Variants in ENPEP observed in about 807,000 individuals in gnomAD.
The protein encoded by ENPEP is AP-A.
Under a neutral mutation model 114.5 loss-of-function variants are expected in ENPEP, and 103 were observed. The ratio of observed to expected loss-of-function variants is 0.90; its 90% CI spans 0.77 to 1.06. The LOEUF is 1.06. Among genes scored for constraint, ENPEP ranks in the 50% least tolerant of loss-of-function variants. The pLI is 0.00. For synonymous variants in ENPEP, 420 were observed against 422.0 expected (o/e 1.00, Z 0.06); for missense variants, 1,196 against 1,161.3 (o/e 1.03, Z -0.43).
At chr4:110,547,155 C>T (rs910379918) in intron 13 of ENPEP, among the ~76,000 whole-genome samples, 17 of 152,080 alleles carry the variant, frequency 1.1e-4, no homozygotes, top group African/African-American at 4.8e-5. Flanking sequence ...TATAGAAGAG[C>T]AAGAATGCTC....
rs996147765 is a variant in ENPEP at position 110,543,036 on chromosome 4, G to T, written c.1966G>T (p.Ala656Ser). Residue 656 changes from alanine (A) to serine (S), a missense_variant, in exon 13 of 20, where the codon GCA becomes TCA. Transcript: ENST00000265162. ...CCAGACATTTTCTTCAGCAGATCGTGCAAGTCTTATTGATGATGCTTTTGC... is the reference window on the plus strand; with the variant it reads ...CCAGACATTTTCTTCAGCAGATCGTTCAAGTCTTATTGATGATGCTTTTGC... ...NHKTFSSADR[A>S]SLIDDAFALA... 2 of 1,613,094 alleles carry T rather than the reference G, an allele frequency of 1.2e-6. No individual in the cohort carries two copies. Among genetic ancestry groups the T allele is most frequent in the South Asian group, 2.2e-5 (2 of 91,040 alleles).
intron 4 of ENPEP, among the ~76,000 whole-genome samples, chr4:110,508,203 C>A (rs1034884093): frequency 1.4e-5 from 2 of 144,486 alleles, no homozygotes; most frequent in Admixed American, 1.5e-4. Context: ...GAGGTGACTT[C>A]TGCATTTATT....
At position 110,538,407 on chromosome 4, in the gene ENPEP, C is replaced by A. The variant is rs949262939; in HGVS notation, c.1808-4344C>A. Among the ~76,000 whole-genome samples the A allele has an allele frequency of 3.9e-5, 6 of 152,188 alleles. 1 individual carries two copies. The East Asian group carries it at 5.8e-4, about 15-fold the overall frequency. On this transcript the variant is annotated intron_variant, in intron 11 of 19. Transcript: ENST00000265162. Reference sequence around the variant, plus strand: ...TCAAGAACCAACCTTTGCTAGCTTCCAGCTTTTCTTCTGTAGCTTCCTCAC... The same window carrying A: ...TCAAGAACCAACCTTTGCTAGCTTCAAGCTTTTCTTCTGTAGCTTCCTCAC...
chr4:110,531,559 TTTCC>T (rs755022525), intron 11 of ENPEP, among the ~76,000 whole-genome samples: 253 of 152,076 alleles, frequency 1.7e-3, no homozygotes, highest in Non-Finnish European at 2.1e-3. Context: ...AATGTGTAAG[TTTCC>T]TTCCTTCCTT....
At chr4:110,546,999 C>A (rs913387100) in intron 13 of ENPEP, among the ~76,000 whole-genome samples, 2 of 151,970 alleles carry the variant, frequency 1.3e-5, no homozygotes, top group African/African-American at 4.8e-5. Context: ...TTTAGGGAGC[C>A]ATGTTTGACA....
intron 3 of ENPEP, among the ~76,000 whole-genome samples, chr4:110,493,916 G>A (rs1724821937): frequency 2.0e-5 from 3 of 152,028 alleles, no homozygotes; most frequent in Non-Finnish European, 1.5e-5. Context: ...AGGTATATGA[G>A]GAAAACAAGT....
At chr4:110,510,118 G>C (rs1725519385) in intron 5 of ENPEP, 127 bp from the exon 6 acceptor site, 2 of 777,984 alleles carry the variant, frequency 2.6e-6, no homozygotes, top group African/African-American at 1.8e-5. Flanking sequence ...TAAATGTTAA[G>C]TACAATGCCT....
intron 10 of ENPEP, among the ~76,000 whole-genome samples, chr4:110,522,311 A>G (rs1455932485): frequency 6.6e-6 from 1 of 152,000 alleles, no homozygotes; most frequent in South Asian, 2.1e-4. Context: ...CCTCCTGAGT[A>G]ACTGAAACTG....
At chr4:110,549,936 G>A (rs1019958080) in intron 17 of ENPEP, 50 bp downstream of exon 17, 3 of 1,474,050 alleles carry the variant, frequency 2.0e-6, no homozygotes, top group Non-Finnish European at 1.8e-6. Context: ...AATAGTTTAT[G>A]TGTCACAGTC....
chr4:110,530,050 T>C (rs1326629799), intron 10 of ENPEP, among the ~76,000 whole-genome samples: 2 of 150,442 alleles, frequency 1.3e-5, no homozygotes, highest in Non-Finnish European at 3.0e-5. Context: ...CACTCCAGCC[T>C]GGGCAACAAG....
chr4:110,498,247 A>G (rs1323516627), intron 3 of ENPEP, among the ~76,000 whole-genome samples: 1 of 152,140 alleles, frequency 6.6e-6, no homozygotes, highest in Non-Finnish European at 1.5e-5. Context: ...TCTTGGTGTT[A>G]CTAGCCCTGA....
intron 3 of ENPEP, among the ~76,000 whole-genome samples, chr4:110,503,012 G>A (rs926802900): frequency 4.6e-5 from 7 of 151,846 alleles, no homozygotes; most frequent in Admixed American, 6.6e-5. Context: ...CCATTAACTC[G>A]TCATTTACAT....
intron 1 of ENPEP, among the ~76,000 whole-genome samples, chr4:110,486,643 T>C (rs1311729312): frequency 1.3e-5 from 2 of 152,188 alleles, no homozygotes; most frequent in Non-Finnish European, 2.9e-5. Context: ...CAGTGTTTTA[T>C]TTTCTATGTA....
intron 18 of ENPEP, among the ~76,000 whole-genome samples, chr4:110,555,713 A>G (rs1458635078): frequency 6.6e-6 from 1 of 152,098 alleles, no homozygotes; most frequent in Admixed American, 6.6e-5. Flanking sequence ...ATACTACCTC[A>G]TAAACCAAAC....
intron 11 of ENPEP, among the ~76,000 whole-genome samples, chr4:110,532,911 A>T (rs1726461122): frequency 6.6e-6 from 1 of 152,030 alleles, no homozygotes; most frequent in African/African-American, 2.4e-5. Context: ...CCATTTTCTT[A>T]TTCATAAGTA....
intron 1 of ENPEP, among the ~76,000 whole-genome samples, chr4:110,485,964 G>A (rs117752070): frequency 8.4e-4 from 128 of 152,158 alleles, no homozygotes; most frequent in East Asian, 6.0e-3. Flanking sequence ...TCCACCAAGC[G>A]TCTCCATTGT....
chr4:110,491,269 A>G, intron 3 of ENPEP, 105 bp downstream of exon 3: 2 of 1,152,972 alleles, frequency 1.7e-6, no homozygotes, highest in Non-Finnish European at 2.4e-6. Flanking sequence ...ACATGCCTGA[A>G]AAGCCCTTTA....
At chr4:110,550,684 A>G (rs1481683423) in intron 17 of ENPEP, among the ~76,000 whole-genome samples, 1 of 152,102 alleles carries the variant, frequency 6.6e-6, no homozygotes, top group Non-Finnish European at 1.5e-5. Context: ...TCATTTATTT[A>G]ACCAACACTT....
At position 110,548,138 on chromosome 4, in the gene ENPEP, AGTTTTT is replaced by A. The variant is rs1176129265; in HGVS notation, c.2001-37_2001-32del. 8 of 1,103,010 alleles carry A rather than the reference AGTTTTT, an allele frequency of 7.3e-6. No homozygotes were observed. The African/African-American group carries it at 1.7e-4, about 24-fold the overall frequency. 68.3% of individuals were successfully genotyped at this position (1,103,010 alleles called of 1,614,324 possible). ...AGTCTGTGGTTTTTAATTAACTGTG[AGTTTTT>A]TTTTTTTTTTTTTTTTTTTTGTCTT... On this transcript the variant is annotated intron_variant, in intron 13 of 19. Transcript: ENST00000265162.
Sources: allele counts gnomAD v4.1 joint callset (sites outside exome capture counted in the v4.1 genomes callset), GRCh38; gene constraint gnomAD v4.1.1; transcripts MANE v1.5; gene names NCBI Gene and HGNC (gene_info 2026-07-23, HGNC 2026-07-21).